The following PDE6D variants were observed in gnomAD, a reference collection of about 807,000 sequenced individuals.
PDE6D encodes phosphodiesterase 6D, also known as retinal rod rhodopsin-sensitive cGMP 3',5'-cyclic phosphodiesterase subunit delta.
In PDE6D, 10 loss-of-function variants were observed where a neutral mutation model predicts 21.9. The ratio of observed to expected loss-of-function variants is 0.46; its 90% CI spans 0.28 to 0.78. The LOEUF (loss-of-function observed/expected upper bound fraction) is 0.78, where lower values mean the gene tolerates loss of function less well. PDE6D is among the 30% of genes least tolerant of loss of function. The pLI, the probability that PDE6D is intolerant of heterozygous loss-of-function variation, is 0.12. For synonymous variants in PDE6D, 59 were observed against 63.5 expected, an observed-to-expected ratio of 0.93 and a Z score of 0.34; for missense variants, 139 against 184.8, an observed-to-expected ratio of 0.75 and a Z score of 1.44.
chr2:231,777,631 C>T (rs1228944815), intron 1 of PDE6D, among the ~76,000 whole-genome samples: 1 of 151,878 alleles, frequency 6.6e-6, no homozygotes, highest in Non-Finnish European at 1.5e-5. Flanking sequence ...ATAATTCAAT[C>T]AAATGTGTAT....
intron 1 of PDE6D, among the ~76,000 whole-genome samples, chr2:231,761,554 G>A (rs889464517): frequency 3.9e-5 from 6 of 152,112 alleles, no homozygotes; most frequent in African/African-American, 1.4e-4. Context: ...CATTTCTCAG[G>A]GCTAGCTTTC....
intron 1 of PDE6D, among the ~76,000 whole-genome samples, chr2:231,750,481 C>CTTT (rs34007857): frequency 7.5e-6 from 1 of 133,556 alleles, no homozygotes; most frequent in Non-Finnish European, 1.6e-5. Context: ...ATCCATATCA[C>CTTT]TTTTTTTTTT....
chr2:231,751,970 T>C (rs2048843470), intron 1 of PDE6D, among the ~76,000 whole-genome samples: 2 of 152,218 alleles, frequency 1.3e-5, no homozygotes, highest in South Asian at 4.1e-4. Context: ...TAAATAACTA[T>C]ATGAATTACT....
intron 1 of PDE6D, among the ~76,000 whole-genome samples, chr2:231,761,732 T>C (rs1011144342): frequency 6.6e-6 from 1 of 152,236 alleles, no homozygotes; most frequent in Non-Finnish European, 1.5e-5. Flanking sequence ...TTTCAACATA[T>C]ATGTCACGTG....
intron 1 of PDE6D, among the ~76,000 whole-genome samples, chr2:231,762,232 T>C (rs943718695): frequency 1.3e-5 from 2 of 152,154 alleles, no homozygotes; most frequent in African/African-American, 4.8e-5. Flanking sequence ...ATGATCTCCA[T>C]TGAGTATAGC....
At chr2:231,747,442 T>C (rs2048803239) in intron 1 of PDE6D, among the ~76,000 whole-genome samples, 2 of 152,118 alleles carry the variant, frequency 1.3e-5, no homozygotes, top group Admixed American at 6.5e-5. Flanking sequence ...CACATTTAAA[T>C]GAGCTGGTTC....
At chr2:231,750,182 G>A (rs895909478) in intron 1 of PDE6D, among the ~76,000 whole-genome samples, 6 of 152,114 alleles carry the variant, frequency 3.9e-5, no homozygotes, top group Non-Finnish European at 8.8e-5. Flanking sequence ...TCATGTAAGA[G>A]CCTTTCGCCT....
At chr2:231,764,405 T>C (rs1183220890) in intron 1 of PDE6D, among the ~76,000 whole-genome samples, 5 of 152,162 alleles carry the variant, frequency 3.3e-5, no homozygotes, top group Non-Finnish European at 5.9e-5. Flanking sequence ...TCCATCCTCA[T>C]ACACATTTCT....
intron 1 of PDE6D, among the ~76,000 whole-genome samples, chr2:231,777,801 A>G (rs969444028): frequency 5.0e-4 from 76 of 152,238 alleles, no homozygotes; most frequent in African/African-American, 1.3e-3. Flanking sequence ...TTGGCTATCC[A>G]AACAGCAGAA....
chr2:231,735,294 C>A (rs537152159), intron 4 of PDE6D, among the ~76,000 whole-genome samples: 155 of 144,096 alleles, frequency 1.1e-3, no homozygotes, highest in African/African-American at 3.8e-3. Flanking sequence ...TTAAAAAATT[C>A]TATTACAATT....
intron 1 of PDE6D, among the ~76,000 whole-genome samples, chr2:231,748,002 C>G (rs2048808199): frequency 6.6e-6 from 1 of 151,514 alleles, no homozygotes; most frequent in South Asian, 2.1e-4. Context: ...CCAATTAAAG[C>G]TTTTTTTTTG....
chr2:231,744,538 A>G (rs1479914445), intron 1 of PDE6D, among the ~76,000 whole-genome samples: 1 of 150,088 alleles, frequency 6.7e-6, no homozygotes, highest in African/African-American at 2.5e-5. Flanking sequence ...GGTTCAAGTG[A>G]TTCTCCTGCC....
chr2:231,749,320 G>A (rs1239681789), intron 1 of PDE6D, among the ~76,000 whole-genome samples: 1 of 152,118 alleles, frequency 6.6e-6, no homozygotes, highest in Admixed American at 6.5e-5. Context: ...TGCTCCGCTG[G>A]ATTTTGGACT....
rs773302418 is a variant in PDE6D, at chr2:231,738,136, G to C, written c.142C>G (p.Arg48Gly). 1.2e-6 allele frequency: 2 copies of C among 1,610,406 alleles called. No homozygotes were observed. Reference sequence around the variant, plus strand: ...CACTTGAGGATTTTCTTGGGAACACGGGCTGGTAAGAGAAAAACAAATGTT... The same window carrying C: ...CACTTGAGGATTTTCTTGGGAACACCGGCTGGTAAGAGAAAAACAAATGTT... Reference protein sequence around the residue: ...LSVPGVEHEARVPKKILKCKA... With the variant: ...LSVPGVEHEAGVPKKILKCKA... Residue 48 changes from arginine to glycine, a missense_variant and splice_region_variant, in exon 3 of 5, where the codon CGT becomes GGT. Arg to Gly is a moderately radical substitution (Grantham distance 125). Transcript: ENST00000287600.
chr2:231,754,385 C>T (rs2048866759), intron 1 of PDE6D, among the ~76,000 whole-genome samples: 3 of 139,976 alleles, frequency 2.1e-5, no homozygotes, highest in Admixed American at 7.5e-5. Flanking sequence ...GAGACGGAGT[C>T]TCCCTCTGTT....
At chr2:231,767,986 C>T (rs1297643643) in intron 1 of PDE6D, among the ~76,000 whole-genome samples, 2 of 151,924 alleles carry the variant, frequency 1.3e-5, no homozygotes, top group Non-Finnish European at 2.9e-5. Context: ...GCTGGGACTA[C>T]AGGCACACAC....
At chr2:231,743,261 T>G (rs2048764741) in intron 1 of PDE6D, among the ~76,000 whole-genome samples, 1 of 151,636 alleles carries the variant, frequency 6.6e-6, no homozygotes, top group African/African-American at 2.4e-5. Context: ...CCGTTTCTAC[T>G]AAAAATACAA....
intron 4 of PDE6D, among the ~76,000 whole-genome samples, chr2:231,734,162 C>T (rs1288497356): frequency 2.6e-5 from 4 of 151,010 alleles, no homozygotes; most frequent in South Asian, 4.2e-4. Flanking sequence ...TGCAGTGAGC[C>T]GAGATCACGC....
At chr2:231,735,799 G>A (rs1157997263) in intron 4 of PDE6D, among the ~76,000 whole-genome samples, 1 of 151,820 alleles carries the variant, frequency 6.6e-6, no homozygotes, top group East Asian at 1.9e-4. Flanking sequence ...TGAGGCGGGT[G>A]GATCACCCGA....
Sources: allele counts gnomAD v4.1 joint callset (sites outside exome capture counted in the v4.1 genomes callset), GRCh38; gene constraint gnomAD v4.1.1; transcripts MANE v1.5; gene names NCBI Gene and HGNC (gene_info 2026-07-23, HGNC 2026-07-21).